Variants in SCPEP1 observed in about 807,000 individuals in gnomAD.
SCPEP1 encodes retinoid-inducible serine carboxypeptidase.
A neutral mutation model predicts 63.8 loss-of-function variants in SCPEP1; 51 were observed. The observed-to-expected ratio is 0.80, with a 90% CI of 0.64 to 1.01. The LOEUF (loss-of-function observed/expected upper bound fraction) is 1.01. Ranked by LOEUF, SCPEP1 falls within the 50% of genes least tolerant of loss-of-function variation. The probability of loss-of-function intolerance (pLI) is 0.00; values close to 1 mark genes in which losing one functional copy is unlikely to be tolerated. For synonymous variants in SCPEP1, 204 were observed against 207.8 expected (o/e 0.98, Z 0.16); for missense variants, 499 against 554.9 (o/e 0.90, Z 1.01).
At chr17:56,999,592 C>G (rs1911678885) in intron 10 of SCPEP1, among the ~76,000 whole-genome samples, 1 of 152,204 alleles carries the variant, frequency 6.6e-6, no homozygotes, top group African/African-American at 2.4e-5. Context: ...CTCTCCCAAC[C>G]TGCAGTCACC....
chr17:57,005,241 C>G (rs1911848936), intron 12 of SCPEP1, among the ~76,000 whole-genome samples: 1 of 152,300 alleles, frequency 6.6e-6, no homozygotes, highest in Admixed American at 6.5e-5. Flanking sequence ...ATGAGGGATG[C>G]TCAGCCTGCC....
intron 2 of SCPEP1, among the ~76,000 whole-genome samples, chr17:56,982,410 C>A (rs901177865): frequency 5.3e-5 from 8 of 152,312 alleles, no homozygotes; most frequent in Admixed American, 3.9e-4. Context: ...CAGGGAGGGG[C>A]CTTTCTCTTT....
At position 56,978,203 on chromosome 17, in the gene SCPEP1, T is replaced by TGCTGCTGCC. The variant is rs989865501; in HGVS notation, c.53_61dup (p.Pro18_Leu20dup). The TGCTGCTGCC allele has an allele frequency of 3.8e-6, 6 of 1,564,982 alleles. No homozygotes were observed. Among genetic ancestry groups the TGCTGCTGCC allele is most frequent in the African/African-American group, 2.7e-5 (2 of 73,846 alleles). ...CGCTCTCCCGTCCCGCGGTGGTTGC[T>TGCTGCTGCC]GCTGCTGCCGCTGCTGCTGGGCCTG... On this transcript the variant is annotated inframe_insertion, in exon 1 of 13. Transcript: ENST00000262288.
At chr17:57,004,899 T>G (rs893773820) in intron 12 of SCPEP1, among the ~76,000 whole-genome samples, 2 of 152,184 alleles carry the variant, frequency 1.3e-5, no homozygotes, top group African/African-American at 2.4e-5. Context: ...CATAAGTACT[T>G]CACAGTAAGA....
intron 11 of SCPEP1, among the ~76,000 whole-genome samples, chr17:57,001,639 T>G (rs1911741711): frequency 6.8e-6 from 1 of 147,986 alleles, no homozygotes; most frequent in Non-Finnish European, 1.5e-5. Context: ...GCTGCTGCAT[T>G]TCTCGATGAA....
intron 7 of SCPEP1, 141 bp from the exon 8 acceptor site, chr17:56,995,366 T>C (rs1911513922): frequency 6.0e-6 from 5 of 831,064 alleles, no homozygotes; most frequent in Non-Finnish European, 9.4e-6. Flanking sequence ...AATAAACATG[T>C]GGCTTGTAAC....
chr17:56,993,264 C>T (rs554247605), intron 6 of SCPEP1, among the ~76,000 whole-genome samples: 310 of 152,244 alleles, frequency 2.0e-3, no homozygotes, highest in Middle Eastern at 0.01. Flanking sequence ...CCCAAGTGCT[C>T]CATAGACACA....
At chr17:56,995,682 G>T in intron 8 of SCPEP1, 47 bp downstream of exon 8, 1 of 1,603,450 alleles carries the variant, frequency 6.2e-7, no homozygotes, top group Non-Finnish European at 8.5e-7. Context: ...GCTTTTTCTG[G>T]TGGGTACAGG....
rs1345427137 is a variant in SCPEP1, at chr17:57,006,422, C to T, written c.*187C>T. 2.5e-6 allele frequency: 1 copy of T among 398,812 alleles called. No individual in the cohort carries two copies. Among genetic ancestry groups the T allele is most frequent in the East Asian group, 3.7e-5 (1 of 26,856 alleles). The allele number at this position is 398,812 out of a possible 1,614,324, so 24.7% of individuals were successfully genotyped here. A position where few individuals can be genotyped will look rare whatever the true frequency, so the allele number is the denominator to read the frequency against. On this transcript the variant is annotated 3_prime_UTR_variant, in exon 13 of 13. Transcript: ENST00000262288. ...GGCAATTTGGAAATTATTTCTGCTT[C>T]TTAAAAAAACCTAAGATTTTTTAAA...
rs1597916809 is a variant in SCPEP1 at position 56,988,387 on chromosome 17, C to G, written c.546+97C>G. On this transcript the variant is annotated intron_variant, in intron 5 of 12. Transcript: ENST00000262288. ...GCTATTAAATATACTTTGAATAGGG[C>G]CATGTACATGCAGAGTACGATTAAA... The G allele has an allele frequency of 6.4e-5, 55 of 863,736 alleles. No homozygotes were observed. The East Asian group carries it at 1.4e-3, about 22-fold the overall frequency. 53.5% of individuals were successfully genotyped at this position (863,736 alleles called of 1,614,324 possible). A position where few individuals can be genotyped will look rare whatever the true frequency, so the allele number is the denominator to read the frequency against.
At chr17:56,993,783 G>A (rs964701652) in intron 6 of SCPEP1, among the ~76,000 whole-genome samples, 3 of 152,180 alleles carry the variant, frequency 2.0e-5, no homozygotes, top group African/African-American at 7.2e-5. Flanking sequence ...CTGTTTGGAG[G>A]CTGTAAGAAC....
chr17:56,987,687 G>A lies in SCPEP1; in HGVS notation c.316-8G>A, dbSNP rs1911264155. 2 of 1,612,242 alleles carry A rather than the reference G, an allele frequency of 1.2e-6. No individual in the cohort carries two copies. ...TTGCAACATTTCGTTTTCCTCCGTG[G>A]TACATAGCTCCAGGCTGCCAGTCTC... On this transcript the variant is annotated splice_polypyrimidine_tract_variant and splice_region_variant and intron_variant, in intron 3 of 12. Transcript: ENST00000262288.
Position 56,995,649 on chromosome 17 carries a change from A to G in SCPEP1, c.786+14A>G. 2 of 1,613,002 alleles carry G rather than the reference A, an allele frequency of 1.2e-6. No homozygotes were observed. Among genetic ancestry groups the G allele is most frequent in the South Asian group, 1.1e-5 (1 of 90,920 alleles). On this transcript the variant is annotated intron_variant, in intron 8 of 12. Transcript: ENST00000262288. ...ATCATTGAACAGGTAAAAAGGGGAA[A>G]CACTCAGAGGCGAGCCTGCTTGGCT...
At chr17:56,995,865 A>T in intron 8 of SCPEP1, 6 of 230,454 alleles carry the variant, frequency 2.6e-5, no homozygotes, top group Non-Finnish European at 3.2e-5. Flanking sequence ...CACTAAATGT[A>T]TGGATTCTAT....
chr17:56,999,197 G>C (rs111485262), intron 10 of SCPEP1, among the ~76,000 whole-genome samples: 1 of 152,104 alleles, frequency 6.6e-6, no homozygotes, highest in African/African-American at 2.4e-5. Context: ...TCGCGCCAAA[G>C]GTCCTTGCAG....
At chr17:56,986,475 C>G (rs1248200564) in intron 3 of SCPEP1, among the ~76,000 whole-genome samples, 1 of 152,164 alleles carries the variant, frequency 6.6e-6, no homozygotes, top group Non-Finnish European at 1.5e-5. Context: ...GCCTCAGCTT[C>G]CCAAAGTGCT....
chr17:56,995,581 G>A lies in SCPEP1; in HGVS notation c.732G>A (p.Gly244=), dbSNP rs749691662. 3.7e-6 allele frequency: 6 copies of A among 1,614,120 alleles called. No individual in the cohort carries two copies. The highest frequency in any genetic ancestry group is 1.1e-5 in the South Asian group (1 of 91,080). Residue 244 remains glycine (G), a synonymous_variant, in exon 8 of 13, where the codon GGG becomes GGA. Transcript: ENST00000262288. ...AAGTACTGAATGCCGTAAATAAGGG[G>A]CTCTACAGAGAGGCCACAGAGCTGT... ...AEQVLNAVNK[G]LYREATELWG... is the part of the protein sequence containing the mutation.
At chr17:56,990,961 G>C in intron 5 of SCPEP1, 138 bp from the exon 6 acceptor site, 1 of 726,554 alleles carries the variant, frequency 1.4e-6, no homozygotes, top group South Asian at 1.5e-5. Context: ...TGTAGAGATG[G>C]GGGTCTCACT....
intron 3 of SCPEP1, among the ~76,000 whole-genome samples, chr17:56,986,695 G>A (rs930276185): frequency 1.3e-5 from 2 of 152,018 alleles, no homozygotes; most frequent in Non-Finnish European, 1.5e-5. Context: ...ACAGGCGCCC[G>A]CCACTGCGCC....
Sources: allele counts gnomAD v4.1 joint callset (sites outside exome capture counted in the v4.1 genomes callset), GRCh38; gene constraint gnomAD v4.1.1; transcripts MANE v1.5; gene names NCBI Gene and HGNC (gene_info 2026-07-23, HGNC 2026-07-21).